The following CCL18 variants were observed in gnomAD, a reference collection of about 807,000 sequenced individuals.
CCL18 encodes the protein C-C motif chemokine 18.
In CCL18, 7 loss-of-function variants were observed where a neutral mutation model predicts 8.0. The ratio of observed to expected loss-of-function variants is 0.87; its 90% confidence interval spans 0.50 to 1.64. The LOEUF (loss-of-function observed/expected upper bound fraction) is 1.64, where lower values mean the gene tolerates loss of function less well. CCL18 is among the 40% of genes most tolerant of loss of function. The pLI, the probability that CCL18 is intolerant of heterozygous loss-of-function variation, is 0.00. For missense variants in CCL18, 95 were observed against 107.8 expected, an observed-to-expected ratio of 0.88 and a Z score of 0.52; for synonymous variants, 35 against 41.3, an observed-to-expected ratio of 0.85 and a Z score of 0.59.
intron 1 of CCL18, among the ~76,000 whole-genome samples, chr17:36,064,701 G>A (rs1161965895): frequency 6.6e-6 from 1 of 152,132 alleles, no homozygotes; most frequent in Non-Finnish European, 1.5e-5. Context: ...ACTGGTGCTG[G>A]TAAGTTTTAC....
rs1165442989 is a variant in CCL18, at chr17:36,071,696, A to G, written c.*655A>G. The G allele has an allele frequency of 6.6e-6, 1 of 152,214 alleles. No individual in the cohort carries two copies. Among genetic ancestry groups the G allele is most frequent in the African/African-American group, 2.4e-5 (1 of 41,460 alleles). The allele number at this position is 152,214 out of a possible 1,614,324, so 9.4% of individuals were successfully genotyped here. ...ATTGTAACTGAAATGTGATAGAAAA[A>G]TTTTCTACTTAAATGAATATCAAGA... On this transcript the variant is annotated 3_prime_UTR_variant, in exon 3 of 3. Transcript: ENST00000616054.
At chr17:36,065,748 G>C (rs1368144436) in intron 1 of CCL18, among the ~76,000 whole-genome samples, 2 of 152,154 alleles carry the variant, frequency 1.3e-5, no homozygotes, top group Non-Finnish European at 1.5e-5. Flanking sequence ...GGCACAAAAG[G>C]AACTAAGGAA....
intron 1 of CCL18, chr17:36,070,228 G>A: frequency 1.9e-6 from 1 of 526,326 alleles, no homozygotes; most frequent in South Asian, 2.8e-5. Flanking sequence ...CCAGAACCAA[G>A]ACAGCCAGAG....
chr17:36,070,597 G>A (rs1319083670), intron 2 of CCL18, 39 bp downstream of exon 2: 1 of 1,319,012 alleles, frequency 7.6e-7, no homozygotes, highest in African/African-American at 1.4e-5. Context: ...CGGGAGGGAG[G>A]ATGGGAGGTT....
chr17:36,065,903 G>T (rs947405444), intron 1 of CCL18, among the ~76,000 whole-genome samples: 1 of 152,188 alleles, frequency 6.6e-6, no homozygotes, highest in Non-Finnish European at 1.5e-5. Flanking sequence ...ACTTCATTCA[G>T]TCTACAGAGA....
chr17:36,069,332 C>T (rs2066853388), intron 1 of CCL18, among the ~76,000 whole-genome samples: 1 of 152,218 alleles, frequency 6.6e-6, no homozygotes, highest in African/African-American at 2.4e-5. Context: ...ATTTCCCCAC[C>T]AAGGGATCAA....
At chr17:36,068,002 G>A (rs1040795405) in intron 1 of CCL18, among the ~76,000 whole-genome samples, 3 of 152,132 alleles carry the variant, frequency 2.0e-5, no homozygotes, top group African/African-American at 7.2e-5. Flanking sequence ...ACAGTGGCAT[G>A]CTGTACAACT....
At chr17:36,064,922 A>G (rs983185184) in intron 1 of CCL18, among the ~76,000 whole-genome samples, 3 of 152,202 alleles carry the variant, frequency 2.0e-5, no homozygotes, top group African/African-American at 7.2e-5. Flanking sequence ...TTAAGGAGAA[A>G]CAAACAAAAA....
chr17:36,070,619 C>G, intron 2 of CCL18, 61 bp downstream of exon 2: 1 of 1,026,648 alleles, frequency 9.7e-7, no homozygotes, highest in South Asian at 1.3e-5. Context: ...GGGGTGAGGT[C>G]CCCTCAGAGT....
chr17:36,069,223 G>T (rs1598793157), intron 1 of CCL18, among the ~76,000 whole-genome samples: 1 of 152,158 alleles, frequency 6.6e-6, no homozygotes, highest in Non-Finnish European at 1.5e-5. Context: ...TGCTCAATGG[G>T]AGAAAGGCTT....
chr17:36,066,449 C>T (rs1434739133), intron 1 of CCL18, among the ~76,000 whole-genome samples: 1 of 152,198 alleles, frequency 6.6e-6, no homozygotes, highest in Non-Finnish European at 1.5e-5. Flanking sequence ...GCCATGTCCT[C>T]AACCCTTTAC....
intron 1 of CCL18, among the ~76,000 whole-genome samples, chr17:36,070,154 G>A (rs1454779939): frequency 1.4e-4 from 21 of 152,140 alleles, no homozygotes; most frequent in Admixed American, 1.2e-3. Context: ...AACTCCCCAA[G>A]GAGAGATGGG....
At position 36,070,554 on chromosome 17, in the gene CCL18, G is replaced by A. The variant is rs1165077276; in HGVS notation, c.175G>A (p.Val59Ile). ...CAGCCCCCAGTGCCCCAAGCCAGGT[G>A]TCATGTAAGTGCCAGTGCTCCTGCC... ...ETSPQCPKPG[V>I]ILLTKRGRQI... Residue 59 changes from valine to isoleucine, a missense_variant, in exon 2 of 3, where the codon GTC (valine) becomes ATC (isoleucine). Physicochemically the swap from Val to Ile is conservative, Grantham distance 29. Transcript: ENST00000616054. The A allele has an allele frequency of 3.8e-6, 6 of 1,594,704 alleles. No individual in the cohort carries two copies. The highest frequency in any genetic ancestry group is 5.2e-6 in the Non-Finnish European group (6 of 1,162,340).
intron 1 of CCL18, among the ~76,000 whole-genome samples, chr17:36,068,952 C>A (rs372092985): frequency 6.6e-6 from 1 of 152,034 alleles, no homozygotes; most frequent in African/African-American, 2.4e-5. Context: ...CTTGACTTTC[C>A]GGGCTGAAGC....
At chr17:36,069,066 G>A (rs1349603635) in intron 1 of CCL18, among the ~76,000 whole-genome samples, 1 of 151,990 alleles carries the variant, frequency 6.6e-6, no homozygotes, top group East Asian at 1.9e-4. Context: ...TGTTGCTCAG[G>A]TTGGTCTCAC....
Position 36,071,779 on chromosome 17 carries a change from C to T in CCL18, c.*738C>T, listed in dbSNP as rs1308034043. ...TCATTTTCATAAATGAAGCTTTCCT[C>T]AGAATGATGGCTAACATCTGTTGAG... On this transcript the variant is annotated 3_prime_UTR_variant, in exon 3 of 3. Transcript: ENST00000616054. 1 of 152,190 alleles carries T rather than the reference C, an allele frequency of 6.6e-6. No homozygotes were observed. The highest frequency in any genetic ancestry group is 2.4e-5 in the African/African-American group (1 of 41,446). The allele number at this position is 152,190 out of a possible 1,614,324, so 9.4% of individuals were successfully genotyped here.
intron 1 of CCL18, among the ~76,000 whole-genome samples, chr17:36,064,872 G>A (rs574553489): frequency 3.5e-4 from 54 of 152,292 alleles, no homozygotes; most frequent in African/African-American, 1.2e-3. Context: ...TCCCTGTAGC[G>A]TAAAATAAAG....
chr17:36,069,041 G>C (rs555966397), intron 1 of CCL18, among the ~76,000 whole-genome samples: 15 of 151,904 alleles, frequency 9.9e-5, no homozygotes, highest in Admixed American at 3.9e-4. Flanking sequence ...AATTTATAGA[G>C]ACAGGGTCTC....
intron 1 of CCL18, among the ~76,000 whole-genome samples, chr17:36,068,724 G>T: frequency 6.6e-6 from 1 of 152,258 alleles, no homozygotes; most frequent in East Asian, 1.9e-4. Flanking sequence ...TTGGGACCAC[G>T]AGGTGACAAG....
Sources: allele counts gnomAD v4.1 joint callset (sites outside exome capture counted in the v4.1 genomes callset), GRCh38; gene constraint gnomAD v4.1.1; transcripts MANE v1.5; gene names NCBI Gene and HGNC (gene_info 2026-07-23, HGNC 2026-07-21).